The following BMPR1B variants were observed in gnomAD, a reference collection of about 807,000 sequenced individuals.
BMPR1B encodes bone morphogenetic protein receptor type 1B.
In BMPR1B, 12 loss-of-function variants were observed where a neutral mutation model predicts 59.1. The ratio of observed to expected loss-of-function variants is 0.20; its 90% CI spans 0.13 to 0.33. The LOEUF (loss-of-function observed/expected upper bound fraction) is 0.33, where lower values mean the gene tolerates loss of function less well. BMPR1B is among the 10% of genes least tolerant of loss of function. BMPR1B has a pLI of 1.00. For synonymous variants in BMPR1B, 237 were observed against 207.3 expected, an observed-to-expected ratio of 1.14 and a Z score of -1.23; for missense variants, 550 against 610.9, an observed-to-expected ratio of 0.90 and a Z score of 1.05.
intron 3 of BMPR1B, among the ~76,000 whole-genome samples, chr4:94,996,900 G>T (rs1722098990): frequency 6.6e-6 from 1 of 152,190 alleles, no homozygotes; most frequent in African/African-American, 2.4e-5. Context: ...TGTTCACGGT[G>T]CTGTAGCATG....
intron 3 of BMPR1B, among the ~76,000 whole-genome samples, chr4:95,102,010 A>AT (rs897629082): frequency 2.0e-5 from 3 of 152,168 alleles, no homozygotes; most frequent in East Asian, 1.9e-4. Flanking sequence ...ATACTATAAC[A>AT]TTTTTTCTTG....
chr4:95,087,904 T>C (rs920266206), intron 3 of BMPR1B, among the ~76,000 whole-genome samples: 1 of 152,176 alleles, frequency 6.6e-6, no homozygotes, highest in African/African-American at 2.4e-5. Context: ...ATAAATGTTG[T>C]TTCTTAAGAG....
At chr4:94,875,622 T>G (rs1211161436) in intron 1 of BMPR1B, among the ~76,000 whole-genome samples, 1 of 152,128 alleles carries the variant, frequency 6.6e-6, no homozygotes, top group Non-Finnish European at 1.5e-5. Flanking sequence ...AGGCGGAGCT[T>G]GCAGTGAGCC....
At chr4:95,066,047 G>A (rs954032634) in intron 3 of BMPR1B, among the ~76,000 whole-genome samples, 3 of 152,126 alleles carry the variant, frequency 2.0e-5, no homozygotes, top group African/African-American at 7.2e-5. Flanking sequence ...TGGGACAGCT[G>A]CTGTTCATAA....
intron 1 of BMPR1B, among the ~76,000 whole-genome samples, chr4:94,831,244 A>AC (rs1203665616): frequency 2.5e-5 from 3 of 118,370 alleles, no homozygotes; most frequent in South Asian, 2.7e-4. Context: ...AAAAAAAAAA[A>AC]AAAAAAACGT....
At chr4:95,022,473 CT>C (rs537775359) in intron 3 of BMPR1B, among the ~76,000 whole-genome samples, 205 of 152,088 alleles carry the variant, frequency 1.3e-3, no homozygotes, top group African/African-American at 4.6e-3. Context: ...GCATGGTCAG[CT>C]TTTTTTCTCT....
intron 1 of BMPR1B, among the ~76,000 whole-genome samples, chr4:94,827,277 G>T (rs1192246718): frequency 2.0e-5 from 3 of 151,982 alleles, no homozygotes; most frequent in African/African-American, 4.8e-5. Context: ...AGTTCGTAAT[G>T]CCTTTTGAAA....
chr4:94,971,954 T>G (rs1283120440), intron 2 of BMPR1B, among the ~76,000 whole-genome samples: 1 of 151,866 alleles, frequency 6.6e-6, no homozygotes, highest in Non-Finnish European at 1.5e-5. Flanking sequence ...CAAGGCCATT[T>G]AATTTTGACA....
intron 3 of BMPR1B, among the ~76,000 whole-genome samples, chr4:95,037,720 ATT>A (rs1725362468): frequency 2.0e-5 from 3 of 152,212 alleles, no homozygotes; most frequent in Admixed American, 1.3e-4. Context: ...GCAAGCCAGG[ATT>A]TGGAAGAAAA....
At position 94,774,925 on chromosome 4, in the gene BMPR1B, C is replaced by A. The variant is rs571345083; in HGVS notation, c.-183+16857C>A. 3.9e-5 allele frequency among the ~76,000 whole-genome samples: 6 copies of A among 152,144 alleles called. No homozygotes were observed. In the South Asian group the frequency reaches 1.2e-3, roughly 32 times the overall value. On this transcript the variant is annotated intron_variant, in intron 1 of 12. Transcript: ENST00000515059. ...ATTTTTTCATAATGGCGGAAATTTTCATTTTTAAAGTACATGAGGAACCTC... is the reference window on the plus strand; with the variant it reads ...ATTTTTTCATAATGGCGGAAATTTTAATTTTTAAAGTACATGAGGAACCTC...
At position 95,136,745 on chromosome 4, in the gene BMPR1B, G is replaced by A. The variant is rs372403794; in HGVS notation, c.1076+5233G>A. On this transcript the variant is annotated intron_variant, in intron 10 of 12. Transcript: ENST00000515059. ...TGTTAGTTTGTATTTCTGTGGGATCGGTGGTGATATCCCCTTTATCATTTT... is the reference window on the plus strand; with the variant it reads ...TGTTAGTTTGTATTTCTGTGGGATCAGTGGTGATATCCCCTTTATCATTTT... Among the ~76,000 whole-genome samples, 15 of 152,080 alleles carry A rather than the reference G, an allele frequency of 9.9e-5. No homozygotes were observed. In the East Asian group the frequency reaches 2.7e-3, roughly 27 times the overall value.
chr4:95,059,397 T>G (rs1457561282), intron 3 of BMPR1B, among the ~76,000 whole-genome samples: 6 of 152,144 alleles, frequency 3.9e-5, no homozygotes, highest in Non-Finnish European at 5.9e-5. Flanking sequence ...CTACTTAATT[T>G]CCTGTGCCCC....
chr4:94,990,414 TCATAATGG>T lies in BMPR1B; in HGVS notation c.-112-5624_-112-5617del, dbSNP rs796956688. On this transcript the variant is annotated intron_variant, in intron 2 of 12. Transcript: ENST00000515059. ...AAAAACTTGTTTATAGCAGCATTAT[TCATAATGG>T]CCCAAAAGTGGAAACCAACCCAAAT... Among the ~76,000 whole-genome samples, 36 of 152,284 alleles carry T rather than the reference TCATAATGG, an allele frequency of 2.4e-4. 1 individual carries two copies. Among genetic ancestry groups the T allele is most frequent in the African/African-American group, 8.7e-4 (36 of 41,578 alleles).
At chr4:94,907,060 C>T (rs1365622426) in intron 2 of BMPR1B, among the ~76,000 whole-genome samples, 1 of 151,994 alleles carries the variant, frequency 6.6e-6, no homozygotes, top group African/African-American at 2.4e-5. Context: ...GTGTACATCA[C>T]AGTTCTCAGC....
intron 1 of BMPR1B, among the ~76,000 whole-genome samples, chr4:94,852,868 A>G (rs943398957): frequency 2.0e-5 from 3 of 152,194 alleles, no homozygotes; most frequent in African/African-American, 7.2e-5. Flanking sequence ...TGGAAAGAAC[A>G]TTTCTTTGGG....
chr4:95,019,585 A>T (rs1381821867), intron 3 of BMPR1B, among the ~76,000 whole-genome samples: 2 of 152,172 alleles, frequency 1.3e-5, no homozygotes, highest in East Asian at 3.9e-4. Flanking sequence ...ACTGGTCTTA[A>T]AATTGTGATC....
At chr4:95,069,809 T>C (rs147077698) in intron 3 of BMPR1B, among the ~76,000 whole-genome samples, 1,650 of 152,246 alleles carry the variant, frequency 0.011, 13 homozygotes, top group Non-Finnish European at 0.017. Context: ...TTTTAGAAAC[T>C]GTAATTTTGG....
chr4:95,108,549 G>C (rs879326386), intron 4 of BMPR1B, among the ~76,000 whole-genome samples: 18 of 152,126 alleles, frequency 1.2e-4, no homozygotes, highest in South Asian at 6.2e-4. Context: ...GGTTTTAGAG[G>C]CTTGTAAACT....
intron 2 of BMPR1B, among the ~76,000 whole-genome samples, chr4:94,948,940 A>T (rs1361648143): frequency 1.3e-5 from 2 of 152,144 alleles, no homozygotes; most frequent in African/African-American, 4.8e-5. Flanking sequence ...GCAGTTTATT[A>T]GTATTCTTTT....
Sources: allele counts gnomAD v4.1 joint callset (sites outside exome capture counted in the v4.1 genomes callset), GRCh38; gene constraint gnomAD v4.1.1; transcripts MANE v1.5; gene names NCBI Gene and HGNC (gene_info 2026-07-23, HGNC 2026-07-21).